Variants in ZRANB3 observed in about 807,000 individuals in gnomAD.
The protein encoded by ZRANB3 is DNA annealing helicase and endonuclease ZRANB3.
Under a neutral mutation model 133.8 loss-of-function variants are expected in ZRANB3, and 125 were observed. The ratio of observed to expected loss-of-function variants is 0.93; its 90% CI spans 0.81 to 1.08. ZRANB3 has a LOEUF of 1.08. Ranked by LOEUF, ZRANB3 falls within the 50% of genes least tolerant of loss-of-function variation. The pLI, the probability that ZRANB3 is intolerant of heterozygous loss-of-function variation, is 0.00. For synonymous variants in ZRANB3, 387 were observed against 432.7 expected (o/e 0.89, Z 1.31); for missense variants, 1,229 against 1,275.5 (o/e 0.96, Z 0.56).
At chr2:135,392,928 G>C (rs1444368883) in intron 2 of ZRANB3, among the ~76,000 whole-genome samples, 1 of 151,640 alleles carries the variant, frequency 6.6e-6, no homozygotes, top group Non-Finnish European at 1.5e-5. Flanking sequence ...ACTCAGGCTA[G>C]AGGGCAGTGG....
chr2:135,496,298 C>T (rs574904816), intron 2 of ZRANB3, among the ~76,000 whole-genome samples: 2 of 148,580 alleles, frequency 1.3e-5, no homozygotes, highest in African/African-American at 2.5e-5. Context: ...GCAGGACAAT[C>T]GCTTGAACAC....
chr2:135,515,900 C>T (rs558926943), intron 1 of ZRANB3, among the ~76,000 whole-genome samples: 3 of 152,184 alleles, frequency 2.0e-5, no homozygotes, highest in East Asian at 1.9e-4. Flanking sequence ...CTACTATTAT[C>T]GTATGGAAGT....
rs746287702 is a variant in ZRANB3, at chr2:135,268,419, G to A, written c.1386+543C>T. ...TGACCTCAGGTGATCCACCCATCTC[G>A]ACCTCCCAAAGTGCTGGGATTAGAG... On this transcript the variant is annotated intron_variant, in intron 11 of 20. Coordinates refer to ENST00000264159, the MANE Select transcript of ZRANB3 (RefSeq NM_032143.4). 3.3e-4 allele frequency among the ~76,000 whole-genome samples: 50 copies of A among 151,988 alleles called. 1 individual carries two copies. Among genetic ancestry groups the A allele is most frequent in the South Asian group, 4.2e-4 (2 of 4,814 alleles).
intron 2 of ZRANB3, among the ~76,000 whole-genome samples, chr2:135,466,569 GAATCTTGGATT>G (rs1691010761): frequency 6.6e-6 from 1 of 151,946 alleles, no homozygotes; most frequent in African/African-American, 2.4e-5. Context: ...AAGCTGTTTG[GAATCTTGGATT>G]AATCACTCAA....
chr2:135,513,455 T>C (rs934881069), intron 1 of ZRANB3, among the ~76,000 whole-genome samples: 2 of 152,098 alleles, frequency 1.3e-5, no homozygotes, highest in African/African-American at 2.4e-5. Context: ...GAGGATTCAA[T>C]AGGAAAAGAG....
At chr2:135,413,096 C>A (rs1399936236) in intron 2 of ZRANB3, among the ~76,000 whole-genome samples, 1 of 152,128 alleles carries the variant, frequency 6.6e-6, no homozygotes, top group Non-Finnish European at 1.5e-5. Flanking sequence ...ACATATGTTG[C>A]AAATATAGGC....
chr2:135,291,581 T>G (rs1681736429), intron 8 of ZRANB3, among the ~76,000 whole-genome samples: 1 of 151,706 alleles, frequency 6.6e-6, no homozygotes, highest in African/African-American at 2.4e-5. Context: ...TATTTTTATT[T>G]TATTTTATTT....
At chr2:135,307,097 T>C (rs1320686683) in intron 8 of ZRANB3, among the ~76,000 whole-genome samples, 1 of 152,126 alleles carries the variant, frequency 6.6e-6, no homozygotes, top group South Asian at 2.1e-4. Flanking sequence ...GGGTCTCACT[T>C]ACTCTGTTGT....
At chr2:135,291,345 G>A (rs1158735191) in intron 8 of ZRANB3, among the ~76,000 whole-genome samples, 1 of 151,680 alleles carries the variant, frequency 6.6e-6, no homozygotes, top group Admixed American at 6.6e-5. Flanking sequence ...ACCACACCTA[G>A]CTAATTTTTG....
At chr2:135,396,949 A>G (rs1409889247) in intron 2 of ZRANB3, among the ~76,000 whole-genome samples, 1 of 152,128 alleles carries the variant, frequency 6.6e-6, no homozygotes, top group Non-Finnish European at 1.5e-5. Flanking sequence ...AAAACAAAAA[A>G]GAAAAAATTT....
intron 1 of ZRANB3, among the ~76,000 whole-genome samples, chr2:135,513,121 A>G (rs1693542260): frequency 6.6e-6 from 1 of 152,228 alleles, no homozygotes; most frequent in African/African-American, 2.4e-5. Flanking sequence ...ATATAGCAGT[A>G]ATTAAAAGAC....
intron 12 of ZRANB3, 56 bp from the exon 13 acceptor site, chr2:135,230,983 T>A: frequency 2.1e-6 from 3 of 1,459,912 alleles, no homozygotes; most frequent in Non-Finnish European, 2.7e-6. Flanking sequence ...ATGTTCTTCT[T>A]ACATAAAAGA....
At chr2:135,324,054 CCA>C (rs1471187617) in intron 6 of ZRANB3, among the ~76,000 whole-genome samples, 2 of 152,136 alleles carry the variant, frequency 1.3e-5, no homozygotes, top group Non-Finnish European at 2.9e-5. Flanking sequence ...TAGGCATGAG[CCA>C]CTGTGTCTGG....
chr2:135,237,913 C>T (rs1252421217), intron 12 of ZRANB3, among the ~76,000 whole-genome samples: 2 of 152,126 alleles, frequency 1.3e-5, no homozygotes, highest in African/African-American at 4.8e-5. Context: ...GCACGTTGTG[C>T]ACATGTACCC....
At chr2:135,211,922 A>T (rs1158528963) in intron 17 of ZRANB3, among the ~76,000 whole-genome samples, 1 of 152,176 alleles carries the variant, frequency 6.6e-6, no homozygotes, top group Admixed American at 6.5e-5. Flanking sequence ...AGGTGTTTTA[A>T]ATGTGGGTAG....
rs528600005 is a variant in ZRANB3 at position 135,349,748 on chromosome 2, A to C, written c.591+236T>G. Reference sequence around the variant, plus strand: ...AAGTTGTACTAAATATGGCAGCCTTATAATAAAGGTAAAAGCTATGTTTTA... The same window carrying C: ...AAGTTGTACTAAATATGGCAGCCTTCTAATAAAGGTAAAAGCTATGTTTTA... On this transcript the variant is annotated intron_variant, in intron 5 of 20. Coordinates refer to ENST00000264159, the MANE Select transcript of ZRANB3 (RefSeq NM_032143.4). 7.8e-5 allele frequency among the ~76,000 whole-genome samples: 11 copies of C among 141,208 alleles called. No homozygotes were observed. In the South Asian group the frequency reaches 2.4e-3, roughly 31 times the overall value. 92.6% of individuals were successfully genotyped at this position (141,208 alleles called of 152,430 possible).
chr2:135,264,921 G>C (rs1478439310), intron 12 of ZRANB3, among the ~76,000 whole-genome samples: 1 of 151,918 alleles, frequency 6.6e-6, no homozygotes, highest in East Asian at 1.9e-4. Flanking sequence ...GCTAATTTTT[G>C]TATTTTTAGT....
At chr2:135,422,492 G>A (rs1159310367) in intron 2 of ZRANB3, among the ~76,000 whole-genome samples, 2 of 151,914 alleles carry the variant, frequency 1.3e-5, no homozygotes, top group Non-Finnish European at 1.5e-5. Flanking sequence ...AAAAAGGCGG[G>A]GGGCAGGGGG....
At chr2:135,525,981 C>G (rs1694143131) in intron 1 of ZRANB3, among the ~76,000 whole-genome samples, 1 of 151,826 alleles carries the variant, frequency 6.6e-6, no homozygotes, top group South Asian at 2.1e-4. Context: ...CATGAGGTAT[C>G]TAAAGTATGT....
Sources: allele counts gnomAD v4.1 joint callset (sites outside exome capture counted in the v4.1 genomes callset), GRCh38; gene constraint gnomAD v4.1.1; transcripts MANE v1.5; gene names NCBI Gene and HGNC (gene_info 2026-07-23, HGNC 2026-07-21).